The following BMPR1A variants were observed in gnomAD, a reference collection of about 807,000 sequenced individuals.
BMPR1A encodes the protein bone morphogenetic protein receptor type-1A.
Under a neutral mutation model 66.0 loss-of-function variants are expected in BMPR1A, and 7 were observed. The ratio of observed to expected loss-of-function variants is 0.11; its 90% confidence interval spans 0.06 to 0.20. BMPR1A has a LOEUF of 0.20. Among genes scored for constraint, BMPR1A ranks in the 10% least tolerant of loss-of-function variants. The pLI is 1.00. For synonymous variants in BMPR1A, 200 were observed against 229.7 expected (o/e 0.87, Z 1.17); for missense variants, 408 against 669.1 (o/e 0.61, Z 4.31).
At chr10:86,801,954 T>C (rs142958632) in intron 1 of BMPR1A, among the ~76,000 whole-genome samples, 2 of 152,244 alleles carry the variant, frequency 1.3e-5, no homozygotes, top group African/African-American at 4.8e-5. Flanking sequence ...GACCTTGTGA[T>C]CTGCCCCCCT....
At chr10:86,820,634 T>G (rs903817548) in intron 1 of BMPR1A, among the ~76,000 whole-genome samples, 1 of 152,162 alleles carries the variant, frequency 6.6e-6, no homozygotes, top group African/African-American at 2.4e-5. Context: ...CAGCAAAACC[T>G]TCCCTTGATA....
intron 2 of BMPR1A, among the ~76,000 whole-genome samples, chr10:86,868,487 C>T (rs1022093714): frequency 6.6e-6 from 1 of 152,216 alleles, no homozygotes; most frequent in African/African-American, 2.4e-5. Flanking sequence ...GGATAAGGAG[C>T]AGAGCAGCCA....
chr10:86,768,712 G>A (rs1564678090), intron 1 of BMPR1A, among the ~76,000 whole-genome samples: 1 of 152,196 alleles, frequency 6.6e-6, no homozygotes, highest in Non-Finnish European at 1.5e-5. Context: ...TTAATTAAAT[G>A]TTGGCTTATT....
In BMPR1A at chr10:86,923,970, G is replaced by A. The variant is rs926607175; in HGVS notation, c.*251G>A. Reference sequence around the variant, plus strand: ...GGTTTTTGATGCCTTTTTTTAAGTGGGTTTTTATGAACTGCATCAAGACTT... The same window carrying A: ...GGTTTTTGATGCCTTTTTTTAAGTGAGTTTTTATGAACTGCATCAAGACTT... On this transcript the variant is annotated 3_prime_UTR_variant, in exon 13 of 13. Transcript: ENST00000372037. 1 of 506,124 alleles carries A rather than the reference G, an allele frequency of 2.0e-6. No individual in the cohort carries two copies. Among genetic ancestry groups the A allele is most frequent in the African/African-American group, 1.9e-5 (1 of 52,320 alleles). 31.4% of individuals were successfully genotyped at this position (506,124 alleles called of 1,614,324 possible). A position where few individuals can be genotyped will look rare whatever the true frequency, so the allele number is the denominator to read the frequency against.
intron 1 of BMPR1A, among the ~76,000 whole-genome samples, chr10:86,813,598 C>G (rs1178819896): frequency 1.3e-5 from 2 of 152,170 alleles, no homozygotes; most frequent in African/African-American, 2.4e-5. Flanking sequence ...ACTAATATAT[C>G]CACCATGGGT....
chr10:86,830,143 G>A (rs1406292591), intron 1 of BMPR1A, among the ~76,000 whole-genome samples: 1 of 152,176 alleles, frequency 6.6e-6, no homozygotes, highest in African/African-American at 2.4e-5. Flanking sequence ...AATGTCAGGT[G>A]TAAGGGGTTT....
Position 86,927,928 on chromosome 10 carries a change from T to A in BMPR1A, c.*4209T>A, listed in dbSNP as rs1043426479. 5.4e-6 allele frequency: 1 copy of A among 184,502 alleles called. No individual in the cohort carries two copies. The highest frequency in any genetic ancestry group is 2.3e-5 in the African/African-American group (1 of 42,618). The allele number at this position is 184,502 out of a possible 1,614,324, so 11.4% of individuals were successfully genotyped here. A position where few individuals can be genotyped will look rare whatever the true frequency, so the allele number is the denominator to read the frequency against. On this transcript the variant is annotated 3_prime_UTR_variant, in exon 13 of 13. Coordinates refer to ENST00000372037, the MANE Select transcript of BMPR1A (RefSeq NM_004329.3). ...TGCTTTGTTCTATATACAGATTATG[T>A]CCAATGTATCATTTTGAAGTAAATA...
At chr10:86,790,702 A>G (rs1285624138) in intron 1 of BMPR1A, among the ~76,000 whole-genome samples, 1 of 152,198 alleles carries the variant, frequency 6.6e-6, no homozygotes, top group African/African-American at 2.4e-5. Flanking sequence ...AAAATATCGT[A>G]TGTTGTATTA....
intron 7 of BMPR1A, among the ~76,000 whole-genome samples, chr10:86,905,427 A>C (rs900852410): frequency 6.6e-6 from 1 of 152,208 alleles, no homozygotes; most frequent in Admixed American, 6.5e-5. Flanking sequence ...TTACTCATGC[A>C]TATTTGCCAA....
downstream of BMPR1A, chr10:86,931,314 T>TATATATATATATA (rs71019438): frequency 1.9e-5 from 2 of 107,466 alleles, no homozygotes; most frequent in African/African-American, 5.0e-5. Flanking sequence ...TATATATATA[T>TATATATATATATA]TCAAGCAATG....
intron 5 of BMPR1A, among the ~76,000 whole-genome samples, chr10:86,897,881 C>T (rs1016378521): frequency 1.3e-5 from 2 of 152,300 alleles, no homozygotes; most frequent in African/African-American, 4.8e-5. Flanking sequence ...GCTAGGATTA[C>T]AGGTGTGAGC....
chr10:86,772,543 T>C (rs138388675), intron 1 of BMPR1A, among the ~76,000 whole-genome samples: 19 of 152,208 alleles, frequency 1.2e-4, no homozygotes, highest in African/African-American at 3.9e-4. Flanking sequence ...ATAGAATAAA[T>C]TAAAACCTAC....
At chr10:86,888,822 G>A (rs1390143789) in intron 3 of BMPR1A, among the ~76,000 whole-genome samples, 12 of 113,838 alleles carry the variant, frequency 1.1e-4, no homozygotes, top group African/African-American at 5.9e-4. Flanking sequence ...GTGAGACCAT[G>A]TCTCAAAAAA....
intron 1 of BMPR1A, among the ~76,000 whole-genome samples, chr10:86,785,974 TCAA>T (rs1377370060): frequency 1.3e-5 from 2 of 152,222 alleles, no homozygotes; most frequent in South Asian, 2.1e-4. Flanking sequence ...CTGCTCCTTC[TCAA>T]TCCTTCAACG....
chr10:86,858,232 A>C (rs571740924), intron 2 of BMPR1A, among the ~76,000 whole-genome samples: 1 of 152,338 alleles, frequency 6.6e-6, no homozygotes, highest in African/African-American at 2.4e-5. Context: ...CAAACTAGGA[A>C]GGGAACTTCC....
intron 3 of BMPR1A, among the ~76,000 whole-genome samples, chr10:86,880,103 T>A (rs1261924314): frequency 6.6e-6 from 1 of 152,220 alleles, no homozygotes; most frequent in African/African-American, 2.4e-5. Flanking sequence ...GAAATTGTCC[T>A]ATGGATTGAA....
intron 1 of BMPR1A, among the ~76,000 whole-genome samples, chr10:86,765,824 G>A (rs1195692399): frequency 6.6e-6 from 1 of 152,054 alleles, no homozygotes; most frequent in Non-Finnish European, 1.5e-5. Context: ...TGCCACTGTT[G>A]AAAGTATAGA....
intron 1 of BMPR1A, among the ~76,000 whole-genome samples, chr10:86,801,625 A>G (rs1482450945): frequency 6.6e-6 from 1 of 152,158 alleles, no homozygotes; most frequent in East Asian, 1.9e-4. Flanking sequence ...AAAAAAAGTC[A>G]GCCTCTACCC....
At chr10:86,921,055 T>C (rs974728944) in intron 10 of BMPR1A, among the ~76,000 whole-genome samples, 2 of 152,112 alleles carry the variant, frequency 1.3e-5, no homozygotes, top group African/African-American at 2.4e-5. Flanking sequence ...TGTTTTACCA[T>C]GTTGGCCAGG....
Sources: gnomAD v4.1 joint callset for allele counts (sites outside exome capture counted in the v4.1 genomes callset) on GRCh38, gnomAD v4.1.1 for gene constraint, MANE v1.5 for transcripts, NCBI Gene and HGNC (gene_info 2026-07-23, HGNC 2026-07-21) for gene names.